ANTXR1: variants seen among roughly 807,000 people sequenced by gnomAD.
ANTXR1 encodes ANTXR cell adhesion molecule 1, also known as anthrax toxin receptor 1.
A neutral mutation model predicts 78.1 loss-of-function variants in ANTXR1; 19 were observed. That is an observed-to-expected ratio of 0.24 (90% CI 0.17 to 0.36). The LOEUF (loss-of-function observed/expected upper bound fraction) is 0.36, where lower values mean the gene tolerates loss of function less well. ANTXR1 is among the 10% of genes least tolerant of loss of function. The pLI, the probability that ANTXR1 is intolerant of heterozygous loss-of-function variation, is 1.00. For synonymous variants in ANTXR1, 273 were observed against 260.5 expected (o/e 1.05, Z -0.46); for missense variants, 518 against 718.6 (o/e 0.72, Z 3.19).
chr2:69,179,348 A>G (rs1186533889), intron 14 of ANTXR1, among the ~76,000 whole-genome samples: 3 of 152,008 alleles, frequency 2.0e-5, no homozygotes, highest in Non-Finnish European at 4.4e-5. Context: ...GGAGTTTGTG[A>G]CCGGCCTGGG....
intron 8 of ANTXR1, among the ~76,000 whole-genome samples, chr2:69,088,138 T>C (rs539256203): frequency 6.6e-6 from 1 of 152,290 alleles, no homozygotes; most frequent in Non-Finnish European, 1.5e-5. Flanking sequence ...TGCAGACACT[T>C]TGAGAGAATA....
At chr2:69,062,704 CA>C (rs1670282413) in intron 3 of ANTXR1, among the ~76,000 whole-genome samples, 1 of 152,020 alleles carries the variant, frequency 6.6e-6, no homozygotes, top group African/African-American at 2.4e-5. Context: ...TGGGAAGAAG[CA>C]GAGGAATATT....
chr2:69,182,428 T>A (rs1228154848), intron 15 of ANTXR1, 65 bp from the exon 16 acceptor site: 1 of 1,578,378 alleles, frequency 6.3e-7, no homozygotes, highest in East Asian at 2.3e-5. Flanking sequence ...CATGTATTTG[T>A]CATTCTCATT....
intron 17 of ANTXR1, among the ~76,000 whole-genome samples, chr2:69,196,532 A>T (rs568852378): frequency 6.6e-6 from 1 of 152,246 alleles, no homozygotes; most frequent in South Asian, 2.1e-4. Context: ...GGGGGGCAAT[A>T]TTGTAGCTCT....
At chr2:69,184,326 G>T (rs537948635) in intron 16 of ANTXR1, among the ~76,000 whole-genome samples, 1 of 152,188 alleles carries the variant, frequency 6.6e-6, no homozygotes, top group South Asian at 2.1e-4. Context: ...GGATAAGCCT[G>T]CCCTCTGGGG....
At position 69,032,608 on chromosome 2, in the gene ANTXR1, G is replaced by A. The variant is rs560918528; in HGVS notation, c.153-7436G>A. Among the ~76,000 whole-genome samples the A allele has an allele frequency of 3.9e-5, 6 of 152,254 alleles. No individual in the cohort carries two copies. The East Asian group carries it at 1.2e-3, about 29-fold the overall frequency. ...GGCGAGTGTGAGGAATGGAGCCGCA[G>A]CTGTGCATTTCAATTATGGGAAATA... On this transcript the variant is annotated intron_variant, in intron 1 of 17. Coordinates refer to ENST00000303714, the MANE Select transcript of ANTXR1 (RefSeq NM_032208.3).
intron 2 of ANTXR1, among the ~76,000 whole-genome samples, chr2:69,043,702 A>G (rs1254319794): frequency 3.3e-5 from 5 of 152,194 alleles, no homozygotes; most frequent in Non-Finnish European, 5.9e-5. Flanking sequence ...TTTATAGCAG[A>G]TAAGTGACAG....
chr2:69,209,851 T>C (rs1341945199), intron 17 of ANTXR1, among the ~76,000 whole-genome samples: 1 of 152,198 alleles, frequency 6.6e-6, no homozygotes, highest in Non-Finnish European at 1.5e-5. Context: ...GATTTTACTC[T>C]GGATGTAACA....
intron 2 of ANTXR1, among the ~76,000 whole-genome samples, chr2:69,042,141 C>T (rs1669631439): frequency 6.6e-6 from 1 of 152,144 alleles, no homozygotes; most frequent in Non-Finnish European, 1.5e-5. Context: ...TGGCTGATGC[C>T]AGTACAAGTA....
intron 17 of ANTXR1, among the ~76,000 whole-genome samples, chr2:69,223,413 A>G (rs1675369012): frequency 6.6e-6 from 1 of 152,166 alleles, no homozygotes; most frequent in Non-Finnish European, 1.5e-5. Context: ...CTACGAATTT[A>G]CCAGCCTGAA....
rs1222232623 is a variant in ANTXR1, at chr2:69,013,304, C to A, written c.-196C>A. Reference sequence around the variant, plus strand: ...ATTGGGATCCTTGAAACCCGAAACCCAGAAACAGCATCGGAGCGGAAACCA... The same window carrying A: ...ATTGGGATCCTTGAAACCCGAAACCAAGAAACAGCATCGGAGCGGAAACCA... On this transcript the variant is annotated 5_prime_UTR_variant, in exon 1 of 18. Coordinates refer to ENST00000303714, the MANE Select transcript of ANTXR1 (RefSeq NM_032208.3). The surrounding 1 kb of genome is among the most constrained non-coding windows in gnomAD (Gnocchi z 5.0). 3 of 748,284 alleles carry A rather than the reference C, an allele frequency of 4.0e-6. No individual in the cohort carries two copies. The East Asian group carries it at 8.1e-5, about 20-fold the overall frequency. 46.4% of individuals were successfully genotyped at this position (748,284 alleles called of 1,614,324 possible).
chr2:69,170,268 AC>A lies in ANTXR1; in HGVS notation c.1073del (p.Pro358LeufsTer21), dbSNP rs1558618605. The A allele has an allele frequency of 6.2e-7, 1 of 1,614,060 alleles. No individual in the cohort carries two copies. The highest frequency in any genetic ancestry group is 1.7e-5 in the Admixed American group (1 of 60,022). On this transcript the variant is annotated frameshift_variant, in exon 14 of 18. Transcript: ENST00000303714. LOFTEE classifies it high-confidence loss of function. ...TTCAGATTATCAAGGAGGTCCCTCC[AC>A]CCCCTGCCGAGGAGAGTGAGGTAAG... ...CTVIIKEVPP[P>X]PAEESEEEDD... is the part of the protein sequence containing the mutation.
intron 17 of ANTXR1, among the ~76,000 whole-genome samples, chr2:69,242,973 G>C (rs573278577): frequency 2.6e-4 from 40 of 152,332 alleles, no homozygotes; most frequent in Admixed American, 4.6e-4. Context: ...CAGCGAGGAG[G>C]GGGTAAATTC....
intron 10 of ANTXR1, among the ~76,000 whole-genome samples, chr2:69,105,566 A>G (rs1321220491): frequency 2.0e-5 from 3 of 152,212 alleles, no homozygotes; most frequent in African/African-American, 7.2e-5. Flanking sequence ...AAATTCTAAA[A>G]TGCAGCACGT....
chr2:69,241,468 A>C (rs1039351292), intron 17 of ANTXR1, among the ~76,000 whole-genome samples: 1 of 152,168 alleles, frequency 6.6e-6, no homozygotes, highest in Admixed American at 6.5e-5. Context: ...ATTGATGCCG[A>C]GTCTGCACCT....
intron 1 of ANTXR1, among the ~76,000 whole-genome samples, chr2:69,017,094 A>G (rs1671048151): frequency 6.6e-6 from 1 of 152,208 alleles, no homozygotes. Flanking sequence ...AAAACTTGCT[A>G]GAACTTGGTG....
intron 1 of ANTXR1, among the ~76,000 whole-genome samples, chr2:69,019,852 C>A (rs1228142354): frequency 6.6e-6 from 1 of 152,078 alleles, no homozygotes. Context: ...TCTGTTTGTG[C>A]ATTAGTTTTC....
At chr2:69,075,989 C>T (rs575947013) in intron 7 of ANTXR1, among the ~76,000 whole-genome samples, 1 of 152,230 alleles carries the variant, frequency 6.6e-6, no homozygotes, top group Admixed American at 6.5e-5. Context: ...CTCTGTCACC[C>T]AGGCTGGGGT....
At chr2:69,134,247 G>C (rs906034904) in intron 12 of ANTXR1, among the ~76,000 whole-genome samples, 1 of 152,202 alleles carries the variant, frequency 6.6e-6, no homozygotes, top group African/African-American at 2.4e-5. Context: ...ATGTTATGTA[G>C]AATATAGAAT....
Sources: gnomAD v4.1 joint callset for allele counts (sites outside exome capture counted in the v4.1 genomes callset) on GRCh38, gnomAD v4.1.1 for gene constraint, Gnocchi (gnomAD v3.1) non-coding constraint, MANE v1.5 for transcripts, NCBI Gene and HGNC (gene_info 2026-07-23, HGNC 2026-07-21) for gene names.